The following LMF1 variants were observed in gnomAD, a reference collection of about 807,000 sequenced individuals.
LMF1 encodes transmembrane protein 112.
A neutral mutation model predicts 60.6 loss-of-function variants in LMF1; 68 were observed. The ratio of observed to expected loss-of-function variants is 1.12; its 90% confidence interval spans 0.92 to 1.37. The LOEUF (loss-of-function observed/expected upper bound fraction) is 1.37. Ranked by LOEUF, LMF1 falls within the 40% of genes most tolerant of loss-of-function variation. The pLI, the probability that LMF1 is intolerant of heterozygous loss-of-function variation, is 0.00. For missense variants in LMF1, 948 were observed against 767.2 expected (o/e 1.24, Z -2.78); for synonymous variants, 418 against 324.7 (o/e 1.29, Z -3.09).
Position 871,156 on chromosome 16 carries a change from C to T in LMF1, c.1078+5G>A, listed in dbSNP as rs2069777045. 1 of 1,578,134 alleles carries T rather than the reference C, an allele frequency of 6.3e-7. No homozygotes were observed. Among genetic ancestry groups the T allele is most frequent in the African/African-American group, 1.3e-5 (1 of 74,366 alleles). On this transcript the variant is annotated splice_donor_5th_base_variant and intron_variant, in intron 7 of 10. Coordinates refer to ENST00000262301, the MANE Select transcript of LMF1 (RefSeq NM_022773.4). ...TGGGCAGGGGCCCCCAGCTGAGCCA[C>T]CTACCGAATCTGGGCTCGGGCCGGG... is the stretch of plus-strand genomic sequence containing the variant.
At chr16:917,305 A>G (rs12918933) in intron 3 of LMF1, among the ~76,000 whole-genome samples, 8,728 of 78,362 alleles carry the variant, frequency 0.11, 734 homozygotes, top group African/African-American at 0.26. Flanking sequence ...GCGGGCGGGC[A>G]CAGGCCCACG....
intron 8 of LMF1, 34 bp downstream of exon 8, chr16:870,695 C>A: frequency 6.2e-7 from 1 of 1,610,308 alleles, no homozygotes; most frequent in Admixed American, 1.7e-5. Context: ...CCCCATATAC[C>A]CAGCTCCGGG....
At chr16:971,015 A>G, upstream of LMF1, 1 of 609,156 alleles carries the variant, frequency 1.6e-6, no homozygotes, top group Non-Finnish European at 2.0e-6. Flanking sequence ...GGCCCCGCCC[A>G]TTCTCGGAGG....
chr16:887,333 C>T (rs990392364), intron 5 of LMF1, among the ~76,000 whole-genome samples: 1 of 152,210 alleles, frequency 6.6e-6, no homozygotes, highest in South Asian at 2.1e-4. Flanking sequence ...TGGAAAGGGG[C>T]GCCTGCCTGA....
At position 898,029 on chromosome 16, in the gene LMF1, C is replaced by T. The variant is rs146043197; in HGVS notation, c.664-4957G>A. ...GGCGTCCTCTGGAGGAGGGGCCTCG[C>T]CTCTGGGCCACTTCATGCCTCAGAA... is the stretch of plus-strand genomic sequence containing the variant. On this transcript the variant is annotated intron_variant, in intron 4 of 10. Transcript: ENST00000262301. Among the ~76,000 whole-genome samples the T allele has an allele frequency of 3.3e-3, 506 of 152,366 alleles. 1 individual carries two copies. Among genetic ancestry groups the T allele is most frequent in the Non-Finnish European group, 5.3e-3 (361 of 68,038 alleles).
rs545981978 is a variant in LMF1, at chr16:866,718, A to G, written c.1529+2226T>C. ...TGTGGTGTTGCCTGGAGTGGTGATT[A>G]TTTTATGTAAATTTCCTGTCTTGCT... On this transcript the variant is annotated intron_variant, in intron 10 of 10. Coordinates refer to ENST00000262301, the MANE Select transcript of LMF1 (RefSeq NM_022773.4). Among the ~76,000 whole-genome samples the G allele has an allele frequency of 3.3e-5, 5 of 152,146 alleles. No homozygotes were observed. In the South Asian group the frequency reaches 8.3e-4, roughly 25 times the overall value.
rs559480413 is a variant in LMF1, at chr16:908,550, C to T, written c.663+2381G>A. ...GGAAGGCCCTGGCCCTTGACAAGCC[C>T]TGGGGGCCTGCTCGTGCCCTCGAGG... On this transcript the variant is annotated intron_variant, in intron 4 of 10. Coordinates refer to ENST00000262301, the MANE Select transcript of LMF1 (RefSeq NM_022773.4). Among the ~76,000 whole-genome samples, 157 of 152,344 alleles carry T rather than the reference C, an allele frequency of 1.0e-3. 1 individual carries two copies. Among genetic ancestry groups the T allele is most frequent in the African/African-American group, 3.5e-3 (144 of 41,594 alleles).
intron 10 of LMF1, among the ~76,000 whole-genome samples, chr16:865,458 C>G (rs951550067): frequency 2.6e-5 from 4 of 152,114 alleles, no homozygotes; most frequent in African/African-American, 9.7e-5. Flanking sequence ...TCAAGCAATT[C>G]TCCTGCTCAG....
At chr16:856,404 G>T (rs1405030881) in intron 10 of LMF1, among the ~76,000 whole-genome samples, 1 of 152,196 alleles carries the variant, frequency 6.6e-6, no homozygotes, top group Non-Finnish European at 1.5e-5. Flanking sequence ...GGCTGTGCGG[G>T]CAGCATGGTC....
At chr16:885,416 G>A (rs2070278931) in intron 5 of LMF1, among the ~76,000 whole-genome samples, 1 of 152,118 alleles carries the variant, frequency 6.6e-6, no homozygotes, top group Non-Finnish European at 1.5e-5. Context: ...GATGCAAACG[G>A]CCCAGACACC....
chr16:868,975 G>C lies in LMF1; in HGVS notation c.1498C>G (p.His500Asp). 6.2e-7 allele frequency: 1 copy of C among 1,612,180 alleles called. No individual in the cohort carries two copies. Among genetic ancestry groups the C allele is most frequent in the South Asian group, 1.1e-5 (1 of 91,072 alleles). ...SDAEALSLLA[H>D]NPFAGRPPPR... ...GGGGGCCTGCCCGCGAAGGGGTTGT[G>C]TGCCAGCAGGGACAAGGCCTCGGCG... Residue 500 changes from histidine to aspartate, a missense_variant, in exon 10 of 11, where the codon CAC (histidine) becomes GAC (aspartate). His to Asp is a moderately conservative substitution (Grantham distance 81). Coordinates refer to ENST00000262301, the MANE Select transcript of LMF1 (RefSeq NM_022773.4).
intron 10 of LMF1, among the ~76,000 whole-genome samples, chr16:859,964 TA>T (rs2069404327): frequency 1.8e-4 from 22 of 124,290 alleles, no homozygotes; most frequent in African/African-American, 9.7e-4. Flanking sequence ...GCAGTGATGG[TA>T]CCGGATGGGT....
intron 2 of LMF1, among the ~76,000 whole-genome samples, chr16:950,569 C>A (rs1227399149): frequency 3.5e-5 from 4 of 115,864 alleles, no homozygotes; most frequent in Non-Finnish European, 5.1e-5. Context: ...AGAGTCAGAG[C>A]CAACGACAGA....
intron 2 of LMF1, among the ~76,000 whole-genome samples, chr16:943,726 CAAAAAAAAAAAAA>C (rs3057499): frequency 1.8e-5 from 1 of 56,840 alleles, no homozygotes; most frequent in East Asian, 5.9e-4. Context: ...GACTCTGTCT[CAAAAAAAAAAAAA>C]AAAAAAAAAA....
chr16:928,801 T>C (rs2071686702), intron 3 of LMF1, among the ~76,000 whole-genome samples: 1 of 151,106 alleles, frequency 6.6e-6, no homozygotes, highest in South Asian at 2.1e-4. Context: ...TGGTGCAAGA[T>C]GGGGGTAGGA....
Position 878,352 on chromosome 16 carries a change from G to A in LMF1, c.897+1218C>T, listed in dbSNP as rs2070055169. On this transcript the variant is annotated intron_variant, in intron 6 of 10. Coordinates refer to ENST00000262301, the MANE Select transcript of LMF1 (RefSeq NM_022773.4). The surrounding 1 kb of genome is among the most constrained non-coding windows in gnomAD (Gnocchi z 5.2). ...AGCAGCTAACGCGGAAAAGCCCGAG[G>A]GAGTCAGGAGCTGCTCAGGGCCCCG... 6.6e-6 allele frequency among the ~76,000 whole-genome samples: 1 copy of A among 152,110 alleles called. No individual in the cohort carries two copies. The highest frequency in any genetic ancestry group is 1.5e-5 in the Non-Finnish European group (1 of 68,024).
chr16:870,346 C>T (rs1476094767), intron 8 of LMF1, among the ~76,000 whole-genome samples: 1 of 152,238 alleles, frequency 6.6e-6, no homozygotes, highest in Admixed American at 6.5e-5. Flanking sequence ...TCAGGGTGGA[C>T]ATGAGGGGGA....
chr16:974,663 C>T (rs1033549545), upstream of LMF1, among the ~76,000 whole-genome samples: 3 of 152,208 alleles, frequency 2.0e-5, no homozygotes, highest in Admixed American at 2.0e-4. Flanking sequence ...CCCCCAGGAC[C>T]CAGGCACACA....
chr16:949,228 CAG>C lies in LMF1; in HGVS notation c.503+5127_503+5128del, dbSNP rs1202598973. On this transcript the variant is annotated intron_variant, in intron 2 of 10. Coordinates refer to ENST00000262301, the MANE Select transcript of LMF1 (RefSeq NM_022773.4). ...AGCCAACGACAGAGTCAGCCAACAA[CAG>C]AGTCAGAGCCAACAACAGAGTCAGC... Among the ~76,000 whole-genome samples, 148 of 148,984 alleles carry C rather than the reference CAG, an allele frequency of 9.9e-4. 8 individuals are homozygous for C. Among genetic ancestry groups the C allele is most frequent in the African/African-American group, 3.6e-3 (144 of 39,928 alleles).
Sources: gnomAD v4.1 joint callset for allele counts (sites outside exome capture counted in the v4.1 genomes callset) on GRCh38, gnomAD v4.1.1 for gene constraint, Gnocchi (gnomAD v3.1) non-coding constraint, MANE v1.5 for transcripts, NCBI Gene and HGNC (gene_info 2026-07-23, HGNC 2026-07-21) for gene names.